The following ANKHD1 variants were observed in gnomAD, a reference collection of about 807,000 sequenced individuals.
ANKHD1 encodes the protein ankyrin repeat and KH domain containing 1.
ANKHD1 carries 31 observed loss-of-function variants against 230.5 expected under a neutral mutation model. That is an observed-to-expected ratio of 0.13 (90% confidence interval 0.10 to 0.18). The LOEUF (loss-of-function observed/expected upper bound fraction) is 0.18, where lower values mean the gene tolerates loss of function less well. Ranked by LOEUF, ANKHD1 falls within the 10% of genes least tolerant of loss-of-function variation. ANKHD1 has a pLI of 1.00. For missense variants in ANKHD1, 2,256 were observed against 3,071.3 expected, an observed-to-expected ratio of 0.73 and a Z score of 6.27; for synonymous variants, 1,074 against 1,117.6, an observed-to-expected ratio of 0.96 and a Z score of 0.78.
At chr5:140,443,766 A>T (rs1162920914) in intron 5 of ANKHD1, among the ~76,000 whole-genome samples, 1 of 151,930 alleles carries the variant, frequency 6.6e-6, no homozygotes. Flanking sequence ...ATTCTTGGTG[A>T]TCATCAAATT....
chr5:140,457,708 GT>G (rs1775315458), intron 7 of ANKHD1, among the ~76,000 whole-genome samples: 1 of 152,098 alleles, frequency 6.6e-6, no homozygotes, highest in Admixed American at 6.5e-5. Flanking sequence ...CTGTTGTGGG[GT>G]CGGGGGAGCG....
intron 1 of ANKHD1, among the ~76,000 whole-genome samples, chr5:140,417,423 TA>T (rs1269000086): frequency 1.1e-4 from 16 of 151,592 alleles, no homozygotes; most frequent in East Asian, 3.8e-4. Flanking sequence ...TTTTTTTAAT[TA>T]AAAAATTTTT....
chr5:140,444,116 A>C (rs1774092820), intron 5 of ANKHD1, among the ~76,000 whole-genome samples: 1 of 120,012 alleles, frequency 8.3e-6, no homozygotes, highest in African/African-American at 3.2e-5. Flanking sequence ...GCTGAAATAG[A>C]TACACTATGT....
At position 140,527,088 on chromosome 5, in the gene ANKHD1, G is replaced by A; in HGVS notation, c.5087+14G>A. On this transcript the variant is annotated intron_variant, in intron 27 of 33. Transcript: ENST00000360839. The surrounding 1 kb of genome is among the most constrained non-coding windows in gnomAD (Gnocchi z 4.5). ...AGTTGTACGAAGGTAAATAGAATTA[G>A]TTCCATCTTTTTAGCTTTCATATAT... 6.2e-7 allele frequency: 1 copy of A among 1,601,106 alleles called. No individual in the cohort carries two copies. Among genetic ancestry groups the A allele is most frequent in the Non-Finnish European group, 8.5e-7 (1 of 1,175,206 alleles).
At chr5:140,488,924 C>T (rs1036845685) in intron 14 of ANKHD1, among the ~76,000 whole-genome samples, 2 of 151,886 alleles carry the variant, frequency 1.3e-5, no homozygotes, top group Non-Finnish European at 2.9e-5. Flanking sequence ...GGCACAGGGG[C>T]TCACACCTAT....
At chr5:140,455,461 C>T (rs1016705258) in intron 7 of ANKHD1, among the ~76,000 whole-genome samples, 14 of 152,028 alleles carry the variant, frequency 9.2e-5, no homozygotes, top group African/African-American at 3.4e-4. Flanking sequence ...TGCAAAAATC[C>T]TCAATAAAAT....
At chr5:140,505,935 G>A (rs990499184) in intron 18 of ANKHD1, 66 bp downstream of exon 18, 33 of 1,510,658 alleles carry the variant, frequency 2.2e-5, no homozygotes, top group African/African-American at 8.6e-5. Context: ...CATATGATTC[G>A]TATTTTAGCT....
intron 15 of ANKHD1, among the ~76,000 whole-genome samples, chr5:140,504,438 T>A (rs1327602833): frequency 1.3e-5 from 2 of 152,254 alleles, no homozygotes; most frequent in East Asian, 3.8e-4. Flanking sequence ...TTTACTTTTA[T>A]TTTTGGAAAT....
chr5:140,494,682 TC>T (rs1436114335), intron 14 of ANKHD1, among the ~76,000 whole-genome samples: 1 of 152,304 alleles, frequency 6.6e-6, no homozygotes, highest in Admixed American at 6.5e-5. Flanking sequence ...AATTTTTTTT[TC>T]TTCAGTAGTT....
intron 1 of ANKHD1, 47 bp downstream of exon 1, chr5:140,402,320 TCTCTTTGGGTAGG>T: frequency 7.0e-7 from 1 of 1,419,462 alleles, no homozygotes; most frequent in African/African-American, 1.5e-5. Context: ...AGGCGTGAAT[TCTCTTTGGGTAGG>T]CTCTGGGCCG....
At chr5:140,433,745 A>C (rs1184688997) in intron 1 of ANKHD1, among the ~76,000 whole-genome samples, 1 of 152,138 alleles carries the variant, frequency 6.6e-6, no homozygotes, top group East Asian at 1.9e-4. Context: ...AAAATGTTAC[A>C]TGAGACATAT....
At position 140,527,195 on chromosome 5, in the gene ANKHD1, C is replaced by T. The variant is rs1753642553; in HGVS notation, c.5087+121C>T. ...GTTATTATTTTAAACTGCATTGCCA[C>T]ACTAAATCCAGAATATGCTAAAGCA... On this transcript the variant is annotated intron_variant, in intron 27 of 33. Transcript: ENST00000360839. This position sits in a 1 kb window ranked among gnomAD's most constrained non-coding sequence, Gnocchi z 4.5. 7.4e-7 allele frequency: 1 copy of T among 1,344,306 alleles called. No homozygotes were observed. The highest frequency in any genetic ancestry group is 9.7e-7 in the Non-Finnish European group (1 of 1,033,300). 83.3% of individuals were successfully genotyped at this position (1,344,306 alleles called of 1,614,324 possible). A position where few individuals can be genotyped will look rare whatever the true frequency, so the allele number is the denominator to read the frequency against.
chr5:140,468,527 A>G (rs1776272615), intron 10 of ANKHD1, among the ~76,000 whole-genome samples: 1 of 152,192 alleles, frequency 6.6e-6, no homozygotes, highest in Non-Finnish European at 1.5e-5. Context: ...CTCCCTTAAT[A>G]GAAAGAAAAA....
rs572949550 is a variant in ANKHD1, at chr5:140,427,668, C to T, written c.307-8436C>T. On this transcript the variant is annotated intron_variant, in intron 1 of 33. Coordinates refer to ENST00000360839, the MANE Select transcript of ANKHD1 (RefSeq NM_017747.3). The stretch of plus-strand genomic sequence containing the variant: ...GGGGCTGACCCCCCCACCTCCCTCC[C>T]GGACGGGGCGGCCGGCCAGGCAGAG... Among the ~76,000 whole-genome samples, 103 of 147,994 alleles carry T rather than the reference C, an allele frequency of 7.0e-4. 1 individual carries two copies. The highest frequency in any genetic ancestry group is 8.7e-4 in the African/African-American group (35 of 40,196).
intron 9 of ANKHD1, among the ~76,000 whole-genome samples, chr5:140,462,161 G>A (rs1775746101): frequency 6.6e-6 from 1 of 151,408 alleles, no homozygotes; most frequent in Non-Finnish European, 1.5e-5. Flanking sequence ...TTGTATTCAG[G>A]TTTGATTCTT....
rs1263815196 is a variant in ANKHD1, at chr5:140,527,380, AC to A, written c.5087+307del. 7.4e-6 allele frequency: 2 copies of A among 269,710 alleles called. No individual in the cohort carries two copies. Among genetic ancestry groups the A allele is most frequent in the Non-Finnish European group, 1.4e-5 (2 of 142,694 alleles). The allele number at this position is 269,710 out of a possible 1,614,324, so 16.7% of individuals were successfully genotyped here. A position where few individuals can be genotyped will look rare whatever the true frequency, so the allele number is the denominator to read the frequency against. On this transcript the variant is annotated intron_variant, in intron 27 of 33. Coordinates refer to ENST00000360839, the MANE Select transcript of ANKHD1 (RefSeq NM_017747.3). This position sits in a 1 kb window ranked among gnomAD's most constrained non-coding sequence, Gnocchi z 4.5. ...GTCTCAGTAATTCTAGAACTAAAGT[AC>A]TAATAATCAACTTTAGATTCAGAAT...
At chr5:140,428,774 C>A (rs1027756976) in intron 1 of ANKHD1, among the ~76,000 whole-genome samples, 14 of 151,918 alleles carry the variant, frequency 9.2e-5, no homozygotes, top group Admixed American at 5.9e-4. Flanking sequence ...CTAGAATATT[C>A]TTTTTATTTT....
chr5:140,524,818 A>T, intron 25 of ANKHD1: 1 of 155,650 alleles, frequency 6.4e-6, no homozygotes, highest in South Asian at 1.8e-4. Context: ...TATTAAGAAT[A>T]TTGGGCCGGG....
intron 10 of ANKHD1, among the ~76,000 whole-genome samples, chr5:140,466,245 G>T (rs1042749795): frequency 2.6e-5 from 4 of 152,124 alleles, no homozygotes; most frequent in African/African-American, 2.4e-5. Flanking sequence ...CAAAAAGTTA[G>T]CTGGGTGTGG....
Sources: allele counts gnomAD v4.1 joint callset (sites outside exome capture counted in the v4.1 genomes callset), GRCh38; gene constraint gnomAD v4.1.1; non-coding constraint Gnocchi (gnomAD v3.1); transcripts MANE v1.5; gene names NCBI Gene and HGNC (gene_info 2026-07-23, HGNC 2026-07-21).